Variants in MAGED1 observed in about 807,000 individuals in gnomAD.
The protein encoded by MAGED1 is MAGE family member D1, also known as melanoma-associated antigen D1.
MAGED1 carries 3 observed loss-of-function variants against 54.1 expected under a neutral mutation model. The observed-to-expected ratio is 0.06, with a 90% CI of 0.03 to 0.14. The LOEUF is 0.14. MAGED1 is among the 10% of genes least tolerant of loss of function. The probability of loss-of-function intolerance (pLI) is 1.00; values close to 1 mark genes in which losing one functional copy is unlikely to be tolerated. For synonymous variants in MAGED1, 217 were observed against 227.3 expected (o/e 0.95, Z 0.41); for missense variants, 485 against 623.4 (o/e 0.78, Z 2.36).
chrX:51,883,742 G>GA (rs1928143256), intron 1 of MAGED1, among the ~76,000 whole-genome samples: 1 of 110,791 alleles, frequency 9.0e-6, no homozygotes, highest in African/African-American at 3.3e-5. Flanking sequence ...TAGAACAAAT[G>GA]AAAAAAAGGA....
chrX:51,828,937 C>A (rs1455278365), intron 1 of MAGED1, among the ~76,000 whole-genome samples: 1 of 110,619 alleles, frequency 9.0e-6, no homozygotes, highest in Non-Finnish European at 1.9e-5. Context: ...ATTTTTTCTA[C>A]TTGTATCACA....
intron 10 of MAGED1, chrX:51,898,855 T>C (rs1467634105): frequency 2.8e-6 from 1 of 355,897 alleles, no homozygotes; most frequent in Non-Finnish European, 4.8e-6. Flanking sequence ...AATACAAAAA[T>C]TAGCCAGGCG....
intron 1 of MAGED1, among the ~76,000 whole-genome samples, chrX:51,822,596 T>A (rs782613292): frequency 3.6e-5 from 4 of 110,894 alleles, no homozygotes; most frequent in Non-Finnish European, 7.6e-5. Flanking sequence ...TTTTTATAGT[T>A]AATTAAGATG....
chrX:51,810,921 A>G (rs1925195826), intron 1 of MAGED1, among the ~76,000 whole-genome samples: 1 of 111,859 alleles, frequency 8.9e-6, no homozygotes, highest in Non-Finnish European at 1.9e-5. Flanking sequence ...AAAATAGTCT[A>G]TTTACCACAG....
intron 1 of MAGED1, among the ~76,000 whole-genome samples, chrX:51,863,835 GT>G (rs200915523): frequency 3.7e-5 from 4 of 108,593 alleles, no homozygotes; most frequent in South Asian, 7.8e-4. Flanking sequence ...ATTTGTGTGT[GT>G]TTTTTTTTAA....
intron 2 of MAGED1, chrX:51,894,753 C>T: frequency 8.7e-7 from 1 of 1,155,703 alleles, no homozygotes; most frequent in Non-Finnish European, 1.1e-6. Context: ...GCCTGCCGTC[C>T]TGAGCTGCTA....
At chrX:51,899,050 A>G in intron 10 of MAGED1, 1 of 127,899 alleles carries the variant, frequency 7.8e-6, no homozygotes, top group South Asian at 2.8e-4. Flanking sequence ...TTCTTACACT[A>G]TACTTGTGCA....
chrX:51,868,299 G>C (rs782531763), intron 1 of MAGED1, among the ~76,000 whole-genome samples: 1 of 111,434 alleles, frequency 9.0e-6, no homozygotes, highest in African/African-American at 3.3e-5. Context: ...GTGTGTATGA[G>C]AGAATAAGAT....
At chrX:51,836,317 A>C (rs1478820323) in intron 1 of MAGED1, among the ~76,000 whole-genome samples, 1 of 110,835 alleles carries the variant, frequency 9.0e-6, no homozygotes, top group African/African-American at 3.3e-5. Flanking sequence ...ATATAACTAA[A>C]AATTTCTTGA....
At chrX:51,855,285 GAAC>G (rs1311763975) in intron 1 of MAGED1, among the ~76,000 whole-genome samples, 3 of 111,888 alleles carry the variant, frequency 2.7e-5, no homozygotes, top group Non-Finnish European at 5.6e-5. Flanking sequence ...AGATTTTAGA[GAAC>G]AACAAAACTT....
At chrX:51,897,156 A>G in intron 4 of MAGED1, 52 bp from the exon 5 acceptor site, 3 of 1,200,029 alleles carry the variant, frequency 2.5e-6, no homozygotes, top group East Asian at 3.0e-5. Context: ...AATTCAACCA[A>G]GTTTTTTTGT....
chrX:51,873,045 C>CA (rs33935618), intron 1 of MAGED1, among the ~76,000 whole-genome samples: 109 of 103,106 alleles, frequency 1.1e-3, no homozygotes, highest in African/African-American at 3.5e-3. Flanking sequence ...CTTTCATTGT[C>CA]AAAAAAAAAA....
At chrX:51,901,960 G>C in intron 12 of MAGED1, 22 bp downstream of exon 12, 1 of 1,172,592 alleles carries the variant, frequency 8.5e-7, no homozygotes, top group Non-Finnish European at 1.1e-6. Context: ...ACTTTGGATT[G>C]GGCAGTTAGG....
intron 1 of MAGED1, among the ~76,000 whole-genome samples, chrX:51,818,959 C>G (rs1386321697): frequency 8.9e-6 from 1 of 112,116 alleles, no homozygotes; most frequent in Non-Finnish European, 1.9e-5. Context: ...TTAGAATATA[C>G]AGTCCTGGGC....
rs1557363914 is a variant in MAGED1, at chrX:51,894,600, T to C, written c.45+251T>C. The C allele has an allele frequency of 3.4e-6, 4 of 1,168,557 alleles. No individual in the cohort carries two copies. In the Admixed American group the frequency reaches 1.0e-4, roughly 29 times the overall value. On this transcript the variant is annotated intron_variant, in intron 2 of 12. Coordinates refer to ENST00000326587, the MANE Select transcript of MAGED1 (RefSeq NM_006986.4). ...ATCTGCCCAGAGAATGCGGGGTGGG[T>C]AAGGAACCATTTTTTTTTTTTTCCA...
At chrX:51,827,337 A>G (rs1271287300) in intron 1 of MAGED1, among the ~76,000 whole-genome samples, 6 of 112,142 alleles carry the variant, frequency 5.4e-5, no homozygotes, top group East Asian at 2.8e-4. Flanking sequence ...TGGAAAAGGC[A>G]AAACTATGGA....
At chrX:51,830,426 T>G (rs1390721532) in intron 1 of MAGED1, among the ~76,000 whole-genome samples, 14 of 110,887 alleles carry the variant, frequency 1.3e-4, no homozygotes, top group Admixed American at 1.1e-3. Context: ...ATGAAGCAAG[T>G]GTGACTACAT....
At chrX:51,852,488 G>A (rs782599316) in intron 1 of MAGED1, among the ~76,000 whole-genome samples, 3 of 111,933 alleles carry the variant, frequency 2.7e-5, no homozygotes, top group Non-Finnish European at 5.6e-5. Flanking sequence ...TATTTTCACT[G>A]AAACAGGCAT....
chrX:51,839,087 T>C (rs1258365319), intron 1 of MAGED1, among the ~76,000 whole-genome samples: 1 of 111,651 alleles, frequency 9.0e-6, no homozygotes, highest in Non-Finnish European at 1.9e-5. Context: ...CTCTTCCACT[T>C]TGGAGATTAT....
Sources: allele counts gnomAD v4.1 joint callset (sites outside exome capture counted in the v4.1 genomes callset), GRCh38; gene constraint gnomAD v4.1.1; transcripts MANE v1.5; gene names NCBI Gene and HGNC (gene_info 2026-07-23, HGNC 2026-07-21).